FLYWCH1: variants seen among roughly 807,000 people sequenced by gnomAD.
FLYWCH1 encodes FLYWCH-type zinc finger 1.
Under a neutral mutation model 66.4 loss-of-function variants are expected in FLYWCH1, and 75 were observed. That is an observed-to-expected ratio of 1.13 (90% CI 0.94 to 1.37). The LOEUF is 1.37. Among genes scored for constraint, FLYWCH1 ranks in the 40% most tolerant of loss-of-function variants. The pLI is 0.00. For synonymous variants in FLYWCH1, 595 were observed against 429.9 expected (o/e 1.38, Z -4.75); for missense variants, 1,334 against 1,001.8 (o/e 1.33, Z -4.48).
In FLYWCH1 at chr16:2,936,707, C is replaced by T. The variant is rs758868588; in HGVS notation, c.1514-414C>T. The T allele has an allele frequency of 1.0e-4, 47 of 468,892 alleles. 1 individual carries two copies. The highest frequency in any genetic ancestry group is 4.0e-4 in the South Asian group (26 of 64,690). The allele number at this position is 468,892 out of a possible 1,614,324, so 29.0% of individuals were successfully genotyped here. A position where few individuals can be genotyped will look rare whatever the true frequency, so the allele number is the denominator to read the frequency against. On this transcript the variant is annotated intron_variant, in intron 6 of 9. Coordinates refer to ENST00000253928, the MANE Select transcript of FLYWCH1 (RefSeq NM_001308068.2). The stretch of plus-strand genomic sequence containing the variant: ...GTCACACCTCTACCTGCGCGGCTCT[C>T]GGGGGCCACCCCTCTCAGCCCCATC...
intron 2 of FLYWCH1, among the ~76,000 whole-genome samples, chr16:2,917,661 C>T (rs908501400): frequency 4.5e-4 from 68 of 152,098 alleles, no homozygotes; most frequent in African/African-American, 1.6e-3. Context: ...TTAGGTTCGT[C>T]GCTTAGCTGC....
In FLYWCH1 at chr16:2,930,549, C is replaced by A; in HGVS notation, c.465C>A (p.Cys155Ter). The change falls in exon 4 of 10, where the codon TGC becomes TGA. Residue 155 changes from cysteine to a stop codon, truncating the protein, a stop_gained. Coordinates refer to ENST00000253928, the MANE Select transcript of FLYWCH1 (RefSeq NM_001308068.2). LOFTEE classifies it high-confidence loss of function. ...GCCGCCAACATGCTGAGCTGGGCTG[C>A]CGGGGCCGGGCCATCACCCGAGGCC... is the stretch of plus-strand genomic sequence containing the variant. ...WKCRQHAELG[C>*]RGRAITRGLR... 6.5e-7 allele frequency: 1 copy of A among 1,549,438 alleles called. No individual in the cohort carries two copies. The highest frequency in any genetic ancestry group is 8.7e-7 in the Non-Finnish European group (1 of 1,151,320).
At chr16:2,945,865 C>T (rs556237811) in intron 9 of FLYWCH1, among the ~76,000 whole-genome samples, 3 of 151,842 alleles carry the variant, frequency 2.0e-5, no homozygotes, top group Admixed American at 6.6e-5. Flanking sequence ...AGCGTGGTGG[C>T]AGGTGCCTGT....
intron 9 of FLYWCH1, among the ~76,000 whole-genome samples, chr16:2,944,757 G>C (rs533190478): frequency 3.0e-4 from 46 of 151,558 alleles, no homozygotes; most frequent in Non-Finnish European, 4.9e-4. Context: ...GGGAGGTGGA[G>C]GTTGCAGTGA....
intron 2 of FLYWCH1, among the ~76,000 whole-genome samples, chr16:2,920,526 AC>A (rs1376364411): frequency 2.0e-5 from 3 of 146,830 alleles, no homozygotes; most frequent in Non-Finnish European, 3.0e-5. Context: ...AAAAAAAAAA[AC>A]ACTTTTCCAC....
At chr16:2,920,504 T>C (rs1264092977) in intron 2 of FLYWCH1, among the ~76,000 whole-genome samples, 2 of 139,454 alleles carry the variant, frequency 1.4e-5, no homozygotes, top group African/African-American at 5.4e-5. Context: ...GCCGTGAGAC[T>C]CTGTCTTAAA....
At chr16:2,942,605 T>C (rs2071313739) in intron 9 of FLYWCH1, among the ~76,000 whole-genome samples, 1 of 100,146 alleles carries the variant, frequency 1.0e-5, no homozygotes, top group African/African-American at 4.4e-5. Flanking sequence ...CCAAGTAAGA[T>C]TTATCCCAGG....
Position 2,933,248 on chromosome 16 carries a change from G to A in FLYWCH1, c.915G>A (p.Arg305=). The A allele has an allele frequency of 1.2e-6, 2 of 1,613,578 alleles. No individual in the cohort carries two copies. The highest frequency in any genetic ancestry group is 3.3e-5 in the Admixed American group (2 of 59,986). ...GGGACAAGGTGTATTGGACCTGCCG[G>A]GACCACGCGCTGCACGGCTGCCGGA... ...AVGDKVYWTC[R]DHALHGCRSR... is the part of the protein sequence containing the mutation. The change falls in exon 5 of 10, where the codon CGG becomes CGA. Residue 305 remains arginine (R), a synonymous_variant. Coordinates refer to ENST00000253928, the MANE Select transcript of FLYWCH1 (RefSeq NM_001308068.2).
chr16:2,944,726 G>C, intron 9 of FLYWCH1, among the ~76,000 whole-genome samples: 1 of 152,050 alleles, frequency 6.6e-6, no homozygotes, highest in Non-Finnish European at 1.5e-5. Context: ...GGGAGGCTGA[G>C]GCGTGAGAAT....
At chr16:2,917,941 A>G (rs895714121) in intron 2 of FLYWCH1, among the ~76,000 whole-genome samples, 3 of 149,652 alleles carry the variant, frequency 2.0e-5, no homozygotes, top group Non-Finnish European at 4.5e-5. Context: ...GGTTCAAGCA[A>G]TTCTCCCTGC....
intron 9 of FLYWCH1, among the ~76,000 whole-genome samples, chr16:2,948,256 GAT>G (rs1237962941): frequency 6.6e-6 from 1 of 152,024 alleles, no homozygotes; most frequent in Non-Finnish European, 1.5e-5. Flanking sequence ...CGGATGGATG[GAT>G]GTGTGTGTAA....
intron 9 of FLYWCH1, among the ~76,000 whole-genome samples, chr16:2,944,109 G>A (rs950733360): frequency 2.6e-5 from 4 of 151,832 alleles, no homozygotes; most frequent in African/African-American, 9.7e-5. Context: ...AATAAAAGTA[G>A]AGCACGACAG....
chr16:2,930,908 T>C, intron 4 of FLYWCH1, 28 bp downstream of exon 4: 3 of 1,533,736 alleles, frequency 2.0e-6, no homozygotes, highest in East Asian at 2.4e-5. Flanking sequence ...CCCTGCTGCG[T>C]CCACTCGGGG....
At chr16:2,941,788 C>G (rs1338351625) in intron 9 of FLYWCH1, among the ~76,000 whole-genome samples, 1 of 151,296 alleles carries the variant, frequency 6.6e-6, no homozygotes, top group Non-Finnish European at 1.5e-5. Context: ...ACTGGGAGAC[C>G]GAGGGAGGTA....
At chr16:2,948,576 C>A in intron 9 of FLYWCH1, 112 bp from the exon 10 acceptor site, 2 of 1,121,146 alleles carry the variant, frequency 1.8e-6, no homozygotes, top group Non-Finnish European at 2.7e-6. Context: ...AATAAATGTT[C>A]TAGACTGTGG....
intron 6 of FLYWCH1, chr16:2,936,519 T>C: frequency 2.2e-6 from 1 of 448,392 alleles, no homozygotes; most frequent in Non-Finnish European, 4.5e-6. Flanking sequence ...TGCCACCCGA[T>C]GTGTCCACGA....
At chr16:2,925,423 C>T (rs1008286437) in intron 2 of FLYWCH1, among the ~76,000 whole-genome samples, 2 of 149,766 alleles carry the variant, frequency 1.3e-5, no homozygotes, top group African/African-American at 4.9e-5. Flanking sequence ...CACCCGGTCC[C>T]ACCCGGTCCC....
At chr16:2,938,702 TCCCGGGTTCACACCATTCTCCTGCCTCA>T (rs1318759750) in intron 8 of FLYWCH1, among the ~76,000 whole-genome samples, 31,194 of 143,360 alleles carry the variant, frequency 0.22, 3,983 homozygotes, top group Admixed American at 0.29. Context: ...AAGCTCCGCC[TCCCGGGTTCACACCATTCTCCTGCCTCA>T]GCCTCCCGAG....
chr16:2,944,777 G>A (rs1156783753), intron 9 of FLYWCH1, among the ~76,000 whole-genome samples: 1 of 151,214 alleles, frequency 6.6e-6, no homozygotes, highest in African/African-American at 2.4e-5. Context: ...AGCTGAGATG[G>A]TGCCACTGCC....
Sources: allele counts gnomAD v4.1 joint callset (sites outside exome capture counted in the v4.1 genomes callset), GRCh38; gene constraint gnomAD v4.1.1; transcripts MANE v1.5; gene names NCBI Gene and HGNC (gene_info 2026-07-23, HGNC 2026-07-21).